Variants in PAPLN observed in about 807,000 individuals in gnomAD.
The protein encoded by PAPLN is papilin, proteoglycan like sulfated glycoprotein, also known as papilin.
A neutral mutation model predicts 159.0 loss-of-function variants in PAPLN; 146 were observed. The ratio of observed to expected loss-of-function variants is 0.92; its 90% CI spans 0.80 to 1.05. The LOEUF (loss-of-function observed/expected upper bound fraction) is 1.05, where lower values mean the gene tolerates loss of function less well. Among genes scored for constraint, PAPLN ranks in the 50% least tolerant of loss-of-function variants. PAPLN has a pLI of 0.00. For synonymous variants in PAPLN, 734 were observed against 702.9 expected (o/e 1.04, Z -0.70); for missense variants, 1,720 against 1,743.9 (o/e 0.99, Z 0.24).
At chr14:73,254,218 G>A (rs1594802499) in intron 12 of PAPLN, among the ~76,000 whole-genome samples, 1 of 152,192 alleles carries the variant, frequency 6.6e-6, no homozygotes, top group East Asian at 1.9e-4. Context: ...TTGTTTGGGG[G>A]CAAGGGAGGA....
At chr14:73,242,085 G>GT (rs1883618082) in intron 2 of PAPLN, among the ~76,000 whole-genome samples, 1 of 145,842 alleles carries the variant, frequency 6.9e-6, no homozygotes, top group South Asian at 2.2e-4. Flanking sequence ...CAGAGCAAGA[G>GT]TGTGCTCATG....
rs199699862 is a variant in PAPLN, at chr14:73,264,677, G to T, written c.3076G>T (p.Ala1026Ser). The T allele has an allele frequency of 4.3e-5, 70 of 1,610,952 alleles. No individual in the cohort carries two copies. The highest frequency in any genetic ancestry group is 1.3e-5 in the Non-Finnish European group (15 of 1,179,300). ...PAQDFGQAGA[A>S]GPLGAIPSSH... ...TCAGGACTTTGGCCAAGCGGGGGCTGCTGGGCCCCTGGGGGCCATCCCCTC... is the reference window on the plus strand; with the variant it reads ...TCAGGACTTTGGCCAAGCGGGGGCTTCTGGGCCCCTGGGGGCCATCCCCTC... The change falls in exon 22 of 27, where the codon GCT becomes TCT. Residue 1026 changes from alanine (A) to serine (S), a missense_variant. Ala to Ser is a moderately conservative substitution (Grantham distance 99). Transcript: ENST00000644200.
intron 18 of PAPLN, 36 bp downstream of exon 18, chr14:73,261,330 T>C: frequency 6.2e-7 from 1 of 1,604,566 alleles, no homozygotes; most frequent in Non-Finnish European, 8.5e-7. Flanking sequence ...TCTCGATGGG[T>C]AGACTCTGCT....
intron 11 of PAPLN, 149 bp downstream of exon 11, chr14:73,252,924 G>C: frequency 2.2e-6 from 3 of 1,355,914 alleles, no homozygotes; most frequent in Non-Finnish European, 3.0e-6. Context: ...AGAGGTGGCA[G>C]CTCTTCCTGG....
rs1307694843 is a variant in PAPLN, at chr14:73,261,153, C to G, written c.2107-3C>G. 4.3e-6 allele frequency: 7 copies of G among 1,614,154 alleles called. No individual in the cohort carries two copies. Among genetic ancestry groups the G allele is most frequent in the Non-Finnish European group, 5.9e-6 (7 of 1,180,040 alleles). ...ACTTCCCAATCATGGGTTTCCTCCC[C>G]AGGTCCACAACACCCACCAGCCCCA... On this transcript the variant is annotated splice_region_variant and splice_polypyrimidine_tract_variant and intron_variant, in intron 17 of 26. Coordinates refer to ENST00000644200, the MANE Select transcript of PAPLN (RefSeq NM_001365906.3).
chr14:73,247,791 T>A (rs1347358336), intron 5 of PAPLN, among the ~76,000 whole-genome samples: 158 of 80,274 alleles, frequency 2.0e-3, no homozygotes, highest in South Asian at 4.7e-3. Context: ...TGGGAGTCTC[T>A]TATCCCGTGT....
At chr14:73,242,317 G>A (rs1205074877) in intron 2 of PAPLN, among the ~76,000 whole-genome samples, 1 of 152,228 alleles carries the variant, frequency 6.6e-6, no homozygotes, top group Non-Finnish European at 1.5e-5. Context: ...TGGCCAGGCT[G>A]TGGCTCCATG....
At chr14:73,253,086 A>G (rs1246863346) in intron 11 of PAPLN, 8 of 1,377,376 alleles carry the variant, frequency 5.8e-6, no homozygotes, top group Non-Finnish European at 7.8e-6. Flanking sequence ...TTGGCTTGGC[A>G]GATGCCAAGG....
Position 73,239,832 on chromosome 14 carries a change from G to A in PAPLN, c.54G>A (p.Ser18=). 1 of 1,587,552 alleles carries A rather than the reference G, an allele frequency of 6.3e-7. No homozygotes were observed. The highest frequency in any genetic ancestry group is 1.1e-5 in the South Asian group (1 of 88,264). The part of the protein sequence containing the change: ...PLLLAPAPGS[S]APKVRRQSDT... ...TGCTGGCTCCAGCGCCCGGGTCCTC[G>A]GTGAGTGCGGTCCTGCCCCGGCCCC... Residue 18 remains serine, a splice_region_variant and synonymous_variant, in exon 2 of 27, where the codon TCG becomes TCA. Transcript: ENST00000644200.
Position 73,254,636 on chromosome 14 carries a change from G to A in PAPLN, c.1426G>A (p.Val476Met). Residue 476 changes from valine (V) to methionine (M), a missense_variant, in exon 13 of 27, where the codon GTG becomes ATG. Val to Met is a conservative substitution (Grantham distance 21, BLOSUM62 1). Transcript: ENST00000644200. ...EDRPPLTEPC[V>M]HEDCPLLSDQ... ...CCGGCCACCTCTGACTGAGCCCTGT[G>A]TGCATGAGGACTGCCCCCTCCTCAG... 1 of 1,614,060 alleles carries A rather than the reference G, an allele frequency of 6.2e-7. No individual in the cohort carries two copies. The highest frequency in any genetic ancestry group is 2.2e-5 in the East Asian group (1 of 44,886).
Position 73,253,743 on chromosome 14 carries a change from C to T in PAPLN, c.1095-11C>T, listed in dbSNP as rs2140246226. ...CCTGGGCCAGCCTTACCTGATTCCC[C>T]CTCCTGCCAGCTGGAAGGCAGGGCC... On this transcript the variant is annotated splice_polypyrimidine_tract_variant and intron_variant, in intron 11 of 26. Transcript: ENST00000644200. The T allele has an allele frequency of 6.3e-7, 1 of 1,584,612 alleles. No individual in the cohort carries two copies. Among genetic ancestry groups the T allele is most frequent in the Middle Eastern group, 1.7e-4 (1 of 5,938 alleles).
At position 73,265,657 on chromosome 14, in the gene PAPLN, A is replaced by G; in HGVS notation, c.3263+150A>G. 8.4e-7 allele frequency: 1 copy of G among 1,195,162 alleles called. No individual in the cohort carries two copies. The allele number at this position is 1,195,162 out of a possible 1,614,324, so 74.0% of individuals were successfully genotyped here. ...CTCTTGAGAGATGGAGCAGCTGGGC[A>G]AAGGGCTCCTTGGGTTGGCTAACAT... On this transcript the variant is annotated intron_variant, in intron 23 of 26. Coordinates refer to ENST00000644200, the MANE Select transcript of PAPLN (RefSeq NM_001365906.3). The surrounding 1 kb of genome is among the most constrained non-coding windows in gnomAD (Gnocchi z 4.1).
rs1460764343 is a variant in PAPLN at position 73,265,033 on chromosome 14, T to A, written c.3125+307T>A. 1.3e-5 allele frequency among the ~76,000 whole-genome samples: 2 copies of A among 151,724 alleles called. No homozygotes were observed. The highest frequency in any genetic ancestry group is 4.8e-5 in the African/African-American group (2 of 41,284). ...GAGCTGGCCTTGAGGAATGGTTCAG[T>A]TTACAGAGGGGGTGTGGAGGACCGG... is the stretch of plus-strand genomic sequence containing the variant. On this transcript the variant is annotated intron_variant, in intron 22 of 26. Transcript: ENST00000644200. This position sits in a 1 kb window ranked among gnomAD's most constrained non-coding sequence, Gnocchi z 4.1.
At chr14:73,236,643 C>A (rs1430426280), upstream of PAPLN, among the ~76,000 whole-genome samples, 3 of 151,944 alleles carry the variant, frequency 2.0e-5, no homozygotes, top group Admixed American at 6.6e-5. Context: ...AAGGTGAAAA[C>A]CTGTCTCTAC....
rs1287044672 is a variant in PAPLN at position 73,262,417 on chromosome 14, C to G, written c.2313C>G (p.Tyr771Ter). The G allele has an allele frequency of 6.2e-7, 1 of 1,614,042 alleles. No homozygotes were observed. Among genetic ancestry groups the G allele is most frequent in the South Asian group, 1.1e-5 (1 of 91,090 alleles). ...GSCADWAARWYFVASVGQCNR... is the reference protein window; with the variant it reads ...GSCADWAARW Reference sequence around the variant, plus strand: ...GCGCAGACTGGGCTGCCCGCTGGTACTTCGTTGCCTCTGTGGGCCAATGTA... The same window carrying G: ...GCGCAGACTGGGCTGCCCGCTGGTAGTTCGTTGCCTCTGTGGGCCAATGTA... The change falls in exon 19 of 27, where the codon TAC becomes TAG. Residue 771 changes from tyrosine to a stop codon, truncating the protein, a stop_gained. Coordinates refer to ENST00000644200, the MANE Select transcript of PAPLN (RefSeq NM_001365906.3). LOFTEE classifies it high-confidence loss of function.
chr14:73,256,545 A>AAAG (rs1226299896), intron 14 of PAPLN, among the ~76,000 whole-genome samples: 3 of 151,494 alleles, frequency 2.0e-5, no homozygotes, highest in African/African-American at 4.9e-5. Flanking sequence ...AAAAAAAAAA[A>AAAG]AAAAAAGAAA....
intron 9 of PAPLN, 77 bp from the exon 10 acceptor site, chr14:73,251,941 G>A: frequency 6.4e-7 from 1 of 1,551,886 alleles, no homozygotes; most frequent in Non-Finnish European, 8.7e-7. Flanking sequence ...CTTGAGGCTG[G>A]CAGGGGGCTG....
intron 5 of PAPLN, among the ~76,000 whole-genome samples, chr14:73,247,994 G>GTC (rs1884744246): frequency 1.8e-5 from 1 of 54,232 alleles, no homozygotes. Context: ...CTGTGTGTGT[G>GTC]TGTGTGTGTG....
intron 5 of PAPLN, 119 bp downstream of exon 5, chr14:73,246,294 C>A: frequency 1.1e-6 from 1 of 888,460 alleles, no homozygotes; most frequent in Non-Finnish European, 1.6e-6. Flanking sequence ...GACAGTCTCA[C>A]TGTGTTGCCC....
Sources: gnomAD v4.1 joint callset for allele counts (sites outside exome capture counted in the v4.1 genomes callset) on GRCh38, gnomAD v4.1.1 for gene constraint, Gnocchi (gnomAD v3.1) non-coding constraint, MANE v1.5 for transcripts, NCBI Gene and HGNC (gene_info 2026-07-23, HGNC 2026-07-21) for gene names.